C4BPA: variants seen among roughly 807,000 people sequenced by gnomAD.
C4BPA encodes C4b-binding protein alpha chain.
C4BPA carries 31 observed loss-of-function variants against 63.7 expected under a neutral mutation model. The observed-to-expected ratio is 0.49, with a 90% CI of 0.37 to 0.66. C4BPA has a LOEUF of 0.66. Ranked by LOEUF, C4BPA falls within the 30% of genes least tolerant of loss-of-function variation. The pLI is 0.00. For missense variants in C4BPA, 572 were observed against 723.3 expected, an observed-to-expected ratio of 0.79 and a Z score of 2.40; for synonymous variants, 259 against 254.7, an observed-to-expected ratio of 1.02 and a Z score of -0.16.
In C4BPA at chr1:207,113,113, G is replaced by A. The variant is rs145062577; in HGVS notation, c.88G>A (p.Asp30Asn). 3 of 1,610,596 alleles carry A rather than the reference G, an allele frequency of 1.9e-6. No individual in the cohort carries two copies. Among genetic ancestry groups the A allele is most frequent in the South Asian group, 2.2e-5 (2 of 90,384 alleles). The change falls in exon 2 of 12, where the codon GAT becomes AAT. Residue 30 changes from aspartate (D) to asparagine (N), a missense_variant. By Grantham distance (23) the Asp-to-Asn change is conservative. Transcript: ENST00000367070. ...WPFSRLWKVS[D>N]PILFQMTLIA... is the part of the protein sequence containing the mutation. ...CTTCTCCAGGCTGTGGAAAGTCTCT[G>A]ATCCAATTCTCTTCCAAATGACCTT...
intron 9 of C4BPA, among the ~76,000 whole-genome samples, chr1:207,136,522 C>T (rs1011142067): frequency 2.0e-5 from 3 of 152,152 alleles, no homozygotes; most frequent in African/African-American, 7.2e-5. Flanking sequence ...TCATTCCATG[C>T]CCTGAATCCT....
chr1:207,124,045 ACT>A (rs1684976648), intron 5 of C4BPA, 38 bp downstream of exon 5: 2 of 1,531,810 alleles, frequency 1.3e-6, no homozygotes, highest in Non-Finnish European at 1.8e-6. Flanking sequence ...ATCAATTTAA[ACT>A]CTGTTAGGTA....
In C4BPA at chr1:207,143,920, G is replaced by A. The variant is rs1685475608; in HGVS notation, c.1547G>A (p.Gly516Asp). The A allele has an allele frequency of 6.2e-7, 1 of 1,612,504 alleles. No individual in the cohort carries two copies. Among genetic ancestry groups the A allele is most frequent in the East Asian group, 2.2e-5 (1 of 44,816 alleles). ...NVTIQCDSGY[G>D]VVGPQSITCS... ...ACCATCCAATGTGATTCTGGCTATG[G>A]TGTGGTTGGTCCCCAAAGTATCACT... Residue 516 changes from glycine to aspartate, a missense_variant, in exon 11 of 12, where the codon GGT becomes GAT. Gly to Asp is a moderately conservative substitution (Grantham distance 94, BLOSUM62 -1). Around this residue, in one of 2 missense-constraint regions of C4BPA, gnomAD observed 465 missense variants for 629.4 expected, o/e 0.74. Coordinates refer to ENST00000367070, the MANE Select transcript of C4BPA (RefSeq NM_000715.4).
At chr1:207,115,083 T>C (rs1684755948) in intron 3 of C4BPA, among the ~76,000 whole-genome samples, 1 of 152,204 alleles carries the variant, frequency 6.6e-6, no homozygotes, top group Admixed American at 6.5e-5. Flanking sequence ...GTGACATGCA[T>C]TTTTTAGTGG....
intron 1 of C4BPA, among the ~76,000 whole-genome samples, chr1:207,106,736 C>T (rs1174866759): frequency 2.6e-5 from 4 of 152,228 alleles, no homozygotes; most frequent in South Asian, 2.1e-4. Flanking sequence ...CCACTGCACC[C>T]GGCCTCCTCT....
intron 1 of C4BPA, among the ~76,000 whole-genome samples, chr1:207,105,874 C>A (rs1358341203): frequency 2.0e-5 from 3 of 152,152 alleles, no homozygotes; most frequent in Admixed American, 6.5e-5. Flanking sequence ...CACAAGGGAC[C>A]CGCCATGCTG....
In C4BPA at chr1:207,113,893, T is replaced by C. The variant is rs1684723876; in HGVS notation, c.143-207T>C. 2.0e-5 allele frequency among the ~76,000 whole-genome samples: 3 copies of C among 152,204 alleles called. No individual in the cohort carries two copies. The South Asian group carries it at 6.2e-4, about 31-fold the overall frequency. On this transcript the variant is annotated intron_variant, in intron 2 of 11. Transcript: ENST00000367070. Reference sequence around the variant, plus strand: ...TTATCATTATTGTTTATTGTTATCATTGTCATTATCATTTGTGAACAAATA... The same window carrying C: ...TTATCATTATTGTTTATTGTTATCACTGTCATTATCATTTGTGAACAAATA...
chr1:207,114,797 A>G (rs1684747599), intron 3 of C4BPA: 1 of 155,990 alleles, frequency 6.4e-6, no homozygotes, highest in Non-Finnish European at 1.4e-5. Flanking sequence ...CCTGGTTAGA[A>G]GTCTATTCTT....
chr1:207,112,557 T>C (rs952258986), intron 1 of C4BPA, among the ~76,000 whole-genome samples: 1 of 152,168 alleles, frequency 6.6e-6, no homozygotes, highest in Non-Finnish European at 1.5e-5. Context: ...AACATTCACA[T>C]CAAAAACAAG....
intron 1 of C4BPA, among the ~76,000 whole-genome samples, chr1:207,105,071 C>T (rs778993675): frequency 1.3e-5 from 2 of 152,184 alleles, no homozygotes; most frequent in African/African-American, 4.8e-5. Flanking sequence ...GGATACAGTA[C>T]CATTCTGGTC....
intron 4 of C4BPA, among the ~76,000 whole-genome samples, chr1:207,118,497 A>G (rs566457644): frequency 6.6e-6 from 1 of 152,276 alleles, no homozygotes; most frequent in South Asian, 2.1e-4. Flanking sequence ...AGAAGTGTTG[A>G]GTAAAGGGGG....
intron 4 of C4BPA, among the ~76,000 whole-genome samples, chr1:207,115,781 G>A (rs1183653278): frequency 1.3e-5 from 2 of 152,072 alleles, no homozygotes; most frequent in South Asian, 2.1e-4. Flanking sequence ...TTCCTCTAAT[G>A]AACCTAGTAT....
At position 207,123,911 on chromosome 1, in the gene C4BPA, A is replaced by G. The variant is rs367547901; in HGVS notation, c.429-11A>G. The G allele has an allele frequency of 5.8e-5, 91 of 1,556,688 alleles. No homozygotes were observed. The highest frequency in any genetic ancestry group is 7.4e-5 in the Non-Finnish European group (84 of 1,131,342). On this transcript the variant is annotated splice_polypyrimidine_tract_variant and intron_variant, in intron 4 of 11. Transcript: ENST00000367070. Reference sequence around the variant, plus strand: ...GGAATTCCATTAAAATCTTTGATCTATCTTATTCAGATTTTTCTTAATTGG... The same window carrying G: ...GGAATTCCATTAAAATCTTTGATCTGTCTTATTCAGATTTTTCTTAATTGG...
At chr1:207,137,631 G>A (rs1473647955) in intron 9 of C4BPA, among the ~76,000 whole-genome samples, 1 of 151,752 alleles carries the variant, frequency 6.6e-6, no homozygotes, top group Non-Finnish European at 1.5e-5. Flanking sequence ...GTTTTGTTTT[G>A]TTTTGAGACA....
chr1:207,113,034 C>G lies in C4BPA; in HGVS notation c.9C>G (p.Pro3=), dbSNP rs773028289. The change falls in exon 2 of 12, where the codon CCC becomes CCG. Residue 3 remains proline, a synonymous_variant. Coordinates refer to ENST00000367070, the MANE Select transcript of C4BPA (RefSeq NM_000715.4). The part of the protein sequence containing the change: MH[P]PKTPSGALHR... ...CAGCGAAGCAGCAGGCCATGCACCCCCCAAAAACTCCATCTGGGGCTCTTC... is the reference window on the plus strand; with the variant it reads ...CAGCGAAGCAGCAGGCCATGCACCCGCCAAAAACTCCATCTGGGGCTCTTC... 1.3e-6 allele frequency: 2 copies of G among 1,596,950 alleles called. No homozygotes were observed. The highest frequency in any genetic ancestry group is 1.7e-6 in the Non-Finnish European group (2 of 1,174,972).
chr1:207,113,851 GA>G (rs942484123), intron 2 of C4BPA, among the ~76,000 whole-genome samples: 3 of 152,036 alleles, frequency 2.0e-5, no homozygotes, highest in Non-Finnish European at 2.9e-5. Context: ...GCAGAGAAGG[GA>G]AAAAAATTCT....
chr1:207,115,220 G>A (rs543238010), intron 3 of C4BPA, among the ~76,000 whole-genome samples, 196 bp from the exon 4 acceptor site: 3 of 152,084 alleles, frequency 2.0e-5, no homozygotes, highest in Admixed American at 6.5e-5. Context: ...TTTCTCTATT[G>A]GTAAAATGTA....
At chr1:207,121,329 T>G (rs1435322510) in intron 4 of C4BPA, among the ~76,000 whole-genome samples, 1 of 152,174 alleles carries the variant, frequency 6.6e-6, no homozygotes, top group Non-Finnish European at 1.5e-5. Context: ...TACATAAAGA[T>G]TCATAGCTCT....
chr1:207,135,324 C>A (rs547007161), intron 9 of C4BPA, among the ~76,000 whole-genome samples: 1 of 151,736 alleles, frequency 6.6e-6, no homozygotes, highest in African/African-American at 2.4e-5. Flanking sequence ...GGCTACAGAG[C>A]GAGAATTTGT....
Sources: gnomAD v4.1 joint callset for allele counts (sites outside exome capture counted in the v4.1 genomes callset) on GRCh38, gnomAD v4.1.1 for gene constraint, gnomAD v4.1.1 regional missense constraint, MANE v1.5 for transcripts, NCBI Gene and HGNC (gene_info 2026-07-23, HGNC 2026-07-21) for gene names.